MCF2L: variants seen among roughly 807,000 people sequenced by gnomAD.
The protein encoded by MCF2L is guanine nucleotide exchange factor DBS.
Under a neutral mutation model 153.4 loss-of-function variants are expected in MCF2L, and 97 were observed. The ratio of observed to expected loss-of-function variants is 0.63; its 90% CI spans 0.54 to 0.75. The LOEUF is 0.75. MCF2L is among the 30% of genes least tolerant of loss of function. The pLI is 0.00. For synonymous variants in MCF2L, 659 were observed against 632.2 expected, an observed-to-expected ratio of 1.04 and a Z score of -0.64; for missense variants, 1,347 against 1,495.2, an observed-to-expected ratio of 0.90 and a Z score of 1.64.
intron 26 of MCF2L, 57 bp downstream of exon 26, chr13:113,089,785 G>C: frequency 1.3e-6 from 2 of 1,598,924 alleles, no homozygotes; most frequent in Non-Finnish European, 1.7e-6. Flanking sequence ...GCTGCTCACG[G>C]AGTGCTCACT....
At chr13:112,991,050 C>G (rs2082877646) in intron 1 of MCF2L, among the ~76,000 whole-genome samples, 1 of 152,208 alleles carries the variant, frequency 6.6e-6, no homozygotes. Context: ...TGGCTCTGCA[C>G]CTGGGGCTCT....
At chr13:113,041,619 T>G (rs2086496320) in intron 3 of MCF2L, among the ~76,000 whole-genome samples, 1 of 151,762 alleles carries the variant, frequency 6.6e-6, no homozygotes, top group Admixed American at 6.6e-5. Flanking sequence ...GTAGAGGAGG[T>G]GCTAGGGGCT....
Position 112,963,764 on chromosome 13 carries a change from C to T in MCF2L, c.170-50999C>T, listed in dbSNP as rs2081860798. ...TGGAGTAGGAACCATCATCCAACCA[C>T]CGGTGTCCATGGAAGACAGGGAGAG... On this transcript the variant is annotated intron_variant, in intron 2 of 29. Transcript: ENST00000375608. Among the ~76,000 whole-genome samples, 3 of 152,332 alleles carry T rather than the reference C, an allele frequency of 2.0e-5. No homozygotes were observed. In the South Asian group the frequency reaches 6.2e-4, roughly 32 times the overall value.
At chr13:113,080,264 T>TACGGAGGAGGGTCCAG (rs1213498340) in intron 15 of MCF2L, among the ~76,000 whole-genome samples, 2 of 136,398 alleles carry the variant, frequency 1.5e-5, no homozygotes, top group Non-Finnish European at 3.3e-5. Context: ...GGAGTGTCTG[T>TACGGAGGAGGGTCCAG]ACGGAGGAGG....
At chr13:112,920,762 T>C (rs925011414) in intron 2 of MCF2L, among the ~76,000 whole-genome samples, 1 of 151,288 alleles carries the variant, frequency 6.6e-6, no homozygotes, top group African/African-American at 2.4e-5. Flanking sequence ...CTCTTCCAGG[T>C]GGACAGGATT....
chr13:113,020,453 G>A (rs971045080), intron 2 of MCF2L, among the ~76,000 whole-genome samples: 2 of 152,256 alleles, frequency 1.3e-5, no homozygotes, highest in Non-Finnish European at 2.9e-5. Context: ...GCTGCTTGCT[G>A]TGACAAAGTC....
intron 3 of MCF2L, among the ~76,000 whole-genome samples, chr13:113,037,651 G>A (rs768108212): frequency 6.6e-6 from 1 of 152,168 alleles, no homozygotes; most frequent in Non-Finnish European, 1.5e-5. Context: ...TTAAAAATAT[G>A]TTTGAGGGAT....
At chr13:112,978,799 T>C (rs552268183) in intron 1 of MCF2L, among the ~76,000 whole-genome samples, 11 of 152,372 alleles carry the variant, frequency 7.2e-5, no homozygotes, top group African/African-American at 2.6e-4. Flanking sequence ...CCACCTTCTC[T>C]TCCTGTGGCC....
At position 113,064,143 on chromosome 13, in the gene MCF2L, C is replaced by T. The variant is rs1404142373; in HGVS notation, c.490-161C>T. On this transcript the variant is annotated intron_variant, in intron 5 of 29. Transcript: ENST00000535094. The surrounding 1 kb of genome is among the most constrained non-coding windows in gnomAD (Gnocchi z 6.0). ...GGCGCTGAGCTGCATCCCATCCGCA[C>T]ATCCATCCGCAGTGTCCAGGTGCCC... Among the ~76,000 whole-genome samples, 3 of 152,180 alleles carry T rather than the reference C, an allele frequency of 2.0e-5. No homozygotes were observed. Among genetic ancestry groups the T allele is most frequent in the Admixed American group, 6.6e-5 (1 of 15,264 alleles).
chr13:113,088,239 T>C, intron 23 of MCF2L, 88 bp from the exon 24 acceptor site: 1 of 1,141,716 alleles, frequency 8.8e-7, no homozygotes, highest in African/African-American at 1.5e-5. Context: ...CTCCTAAGAT[T>C]ATCTTTGGAT....
chr13:113,026,256 G>A (rs1279055979), intron 3 of MCF2L, among the ~76,000 whole-genome samples: 1 of 152,228 alleles, frequency 6.6e-6, no homozygotes, highest in Non-Finnish European at 1.5e-5. Context: ...GTGGGTCGGG[G>A]CAGAGTCTCT....
chr13:112,968,330 G>C (rs1466527388), upstream of MCF2L: 3 of 1,217,776 alleles, frequency 2.5e-6, no homozygotes, highest in Non-Finnish European at 3.3e-6. Flanking sequence ...GGTTTTGGGC[G>C]AGGAGAGCTC....
chr13:112,917,162 G>T (rs1217896936), intron 2 of MCF2L: 6 of 471,104 alleles, frequency 1.3e-5, no homozygotes, highest in Non-Finnish European at 2.6e-5. Flanking sequence ...TGAGTGTGAT[G>T]ATTCCTAGTC....
intron 3 of MCF2L, among the ~76,000 whole-genome samples, chr13:113,032,484 C>T (rs1482095677): frequency 6.6e-6 from 1 of 152,250 alleles, no homozygotes; most frequent in Non-Finnish European, 1.5e-5. Context: ...GGACATGCCG[C>T]CTCGCAGCTT....
At chr13:112,955,248 G>A (rs2081743152) in intron 2 of MCF2L, among the ~76,000 whole-genome samples, 1 of 151,906 alleles carries the variant, frequency 6.6e-6, no homozygotes, top group Non-Finnish European at 1.5e-5. Context: ...TCCTAAACCT[G>A]CATCAGAGCA....
chr13:113,084,249 T>C (rs1190651349), intron 18 of MCF2L, among the ~76,000 whole-genome samples, 182 bp downstream of exon 18: 2 of 151,572 alleles, frequency 1.3e-5, no homozygotes, highest in African/African-American at 4.9e-5. Flanking sequence ...CAGAACCTCC[T>C]GAACCCCAGA....
chr13:112,998,576 G>T (rs1186871815), intron 1 of MCF2L, among the ~76,000 whole-genome samples: 5 of 152,346 alleles, frequency 3.3e-5, no homozygotes, highest in African/African-American at 1.2e-4. Context: ...CTTTCCTGGG[G>T]GATGGGATGG....
Position 113,082,845 on chromosome 13 carries a change from G to A in MCF2L, c.1991+303G>A, listed in dbSNP as rs569885571. Among the ~76,000 whole-genome samples the A allele has an allele frequency of 3.3e-5, 5 of 152,252 alleles. No homozygotes were observed. In the East Asian group the frequency reaches 5.8e-4, roughly 18 times the overall value. ...TTTTGTGGTGCAGGAAATGGGACCC[G>A]CCTGCCCCTCATCCCCTCCTCATCC... On this transcript the variant is annotated intron_variant, in intron 17 of 29. Coordinates refer to ENST00000535094, the MANE Select transcript of MCF2L (RefSeq NM_001112732.3).
At chr13:113,078,295 C>A in intron 13 of MCF2L, 68 bp from the exon 14 acceptor site, 2 of 1,314,890 alleles carry the variant, frequency 1.5e-6, no homozygotes, top group Non-Finnish European at 2.2e-6. Flanking sequence ...CCTTTTCCCG[C>A]TGGGTGCACT....
Sources: gnomAD v4.1 joint callset for allele counts (sites outside exome capture counted in the v4.1 genomes callset) on GRCh38, gnomAD v4.1.1 for gene constraint, Gnocchi (gnomAD v3.1) non-coding constraint, MANE v1.5 for transcripts, NCBI Gene and HGNC (gene_info 2026-07-23, HGNC 2026-07-21) for gene names.